Variants in DLC1 observed in about 807,000 individuals in gnomAD.
The protein encoded by DLC1 is rho GTPase-activating protein 7.
In DLC1, 54 loss-of-function variants were observed where a neutral mutation model predicts 140.3. The ratio of observed to expected loss-of-function variants is 0.38; its 90% confidence interval spans 0.31 to 0.48. The LOEUF (loss-of-function observed/expected upper bound fraction) is 0.48, where lower values mean the gene tolerates loss of function less well. DLC1 is among the 20% of genes least tolerant of loss of function. DLC1 has a pLI of 0.96. For missense variants in DLC1, 2,536 were observed against 1,907.0 expected (o/e 1.33, Z -6.14); for synonymous variants, 986 against 728.1 (o/e 1.35, Z -5.70).
intron 5 of DLC1, among the ~76,000 whole-genome samples, chr8:13,145,165 A>G (rs1161656050): frequency 6.6e-6 from 1 of 152,186 alleles, no homozygotes. Context: ...ATTTAAACTT[A>G]TGAGAGATAG....
intron 1 of DLC1, among the ~76,000 whole-genome samples, chr8:13,596,137 C>G (rs949362218): frequency 6.6e-6 from 1 of 151,976 alleles, no homozygotes; most frequent in Non-Finnish European, 1.5e-5. Context: ...AGTTAACATG[C>G]TAAATATATT....
chr8:13,420,684 C>A (rs531993857), intron 2 of DLC1, among the ~76,000 whole-genome samples: 3 of 152,194 alleles, frequency 2.0e-5, no homozygotes, highest in South Asian at 4.1e-4. Context: ...AGTTAGTTTG[C>A]TGAGAATGAT....
intron 2 of DLC1, among the ~76,000 whole-genome samples, chr8:13,490,039 A>G (rs1801164245): frequency 1.5e-5 from 1 of 64,644 alleles, no homozygotes; most frequent in Non-Finnish European, 3.8e-5. Context: ...AAGGCTCACA[A>G]AGGTTAAATA....
intron 5 of DLC1, among the ~76,000 whole-genome samples, chr8:13,258,371 G>T (rs1830338814): frequency 1.3e-5 from 2 of 152,220 alleles, no homozygotes; most frequent in Non-Finnish European, 2.9e-5. Context: ...ATTTGTTTAA[G>T]AATAGGCTCT....
At position 13,168,723 on chromosome 8, in the gene DLC1, T is replaced by C. The variant is rs145062491; in HGVS notation, c.1349-53066A>G. On this transcript the variant is annotated intron_variant, in intron 5 of 17. Coordinates refer to ENST00000276297, the MANE Select transcript of DLC1 (RefSeq NM_182643.3). ...AATTGGCTGTTTTGCATTTGCTGTT[T>C]AAAATTCAAAGTGAAGTCCACATCA... Among the ~76,000 whole-genome samples, 36 of 152,346 alleles carry C rather than the reference T, an allele frequency of 2.4e-4. 1 individual carries two copies. The East Asian group carries it at 5.8e-3, about 25-fold the overall frequency.
chr8:13,557,449 T>C (rs745357072), intron 1 of DLC1, among the ~76,000 whole-genome samples: 5 of 152,136 alleles, frequency 3.3e-5, no homozygotes, highest in African/African-American at 4.8e-5. Context: ...AGGCAGGTGA[T>C]ATGGTTTGGC....
chr8:13,507,317 T>C (rs1802141821), intron 1 of DLC1, among the ~76,000 whole-genome samples: 1 of 152,184 alleles, frequency 6.6e-6, no homozygotes, highest in Non-Finnish European at 1.5e-5. Context: ...TTATGTTTCT[T>C]AATTCCTTTA....
At chr8:13,237,092 A>T (rs926036245) in intron 5 of DLC1, among the ~76,000 whole-genome samples, 2 of 151,640 alleles carry the variant, frequency 1.3e-5, no homozygotes, top group African/African-American at 4.8e-5. Flanking sequence ...AGAAGTGCTT[A>T]TATCTCTTCT....
At chr8:13,220,785 A>G (rs1828506094) in intron 5 of DLC1, among the ~76,000 whole-genome samples, 1 of 152,204 alleles carries the variant, frequency 6.6e-6, no homozygotes, top group South Asian at 2.1e-4. Flanking sequence ...TGGATTTATT[A>G]CAGCATCAAA....
chr8:13,499,915 C>G lies in DLC1; in HGVS notation c.157G>C (p.Asp53His), dbSNP rs756962304. 31 of 1,613,966 alleles carry G rather than the reference C, an allele frequency of 1.9e-5. No homozygotes were observed. Among genetic ancestry groups the G allele is most frequent in the Non-Finnish European group, 2.6e-5 (31 of 1,180,018 alleles). Reference protein sequence around the residue: ...SMEKDATLNVDRKEKCVSLPD... With the variant: ...SMEKDATLNVHRKEKCVSLPD... Reference sequence around the variant, plus strand: ...AGTGAAACACACTTCTCTTTGCGGTCCACATTTAGAGTTGCATCTTTTTCC... The same window carrying G: ...AGTGAAACACACTTCTCTTTGCGGTGCACATTTAGAGTTGCATCTTTTTCC... Residue 53 changes from aspartate (D) to histidine (H), a missense_variant, in exon 2 of 18, where the codon GAC (aspartate) becomes CAC (histidine). Physicochemically the swap from Asp to His is moderately conservative, Grantham distance 81. Coordinates refer to ENST00000276297, the MANE Select transcript of DLC1 (RefSeq NM_182643.3).
At chr8:13,559,242 C>G (rs550319920) in intron 1 of DLC1, 2 of 152,192 alleles carry the variant, frequency 1.3e-5, no homozygotes, top group African/African-American at 4.8e-5. Flanking sequence ...AAAGCATGGG[C>G]GCAAAGAATG....
At chr8:13,091,499 C>G (rs938004186) in intron 13 of DLC1, 67 bp from the exon 14 acceptor site, 4 of 1,423,310 alleles carry the variant, frequency 2.8e-6, no homozygotes, top group African/African-American at 2.9e-5. Flanking sequence ...AGGTATTATT[C>G]AAGGAAACCC....
chr8:13,135,311 G>A (rs1481982550), intron 5 of DLC1, among the ~76,000 whole-genome samples: 1 of 150,904 alleles, frequency 6.6e-6, no homozygotes, highest in Non-Finnish European at 1.5e-5. Flanking sequence ...CTCCCGAGTA[G>A]CTGGGACTAC....
At chr8:13,350,525 G>T (rs1160431041) in intron 4 of DLC1, among the ~76,000 whole-genome samples, 1 of 152,052 alleles carries the variant, frequency 6.6e-6, no homozygotes, top group East Asian at 1.9e-4. Flanking sequence ...AAACCAGCCA[G>T]GCCAACATGG....
Position 13,137,888 on chromosome 8 carries a change from G to A in DLC1, c.1349-22231C>T, listed in dbSNP as rs540605238. On this transcript the variant is annotated intron_variant, in intron 5 of 17. Coordinates refer to ENST00000276297, the MANE Select transcript of DLC1 (RefSeq NM_182643.3). ...GCTGGGATTACAGGTGTGAGCCACC[G>A]CACCTGGCCAGACATCACTTTCTTG... is the stretch of plus-strand genomic sequence containing the variant. Among the ~76,000 whole-genome samples, 153 of 152,056 alleles carry A rather than the reference G, an allele frequency of 1.0e-3. 1 individual carries two copies. The highest frequency in any genetic ancestry group is 3.5e-3 in the African/African-American group (147 of 41,506).
intron 5 of DLC1, among the ~76,000 whole-genome samples, chr8:13,189,788 A>G (rs1267835395): frequency 4.6e-5 from 7 of 152,136 alleles, no homozygotes; most frequent in African/African-American, 1.4e-4. Flanking sequence ...AGGCTGAGGC[A>G]GGAGAATCGC....
chr8:13,586,322 G>A (rs984555788), intron 1 of DLC1, among the ~76,000 whole-genome samples: 1 of 152,136 alleles, frequency 6.6e-6, no homozygotes, highest in African/African-American at 2.4e-5. Context: ...AAGAAGAGGA[G>A]ATAGATGATT....
At chr8:13,438,560 C>T (rs1022494478) in intron 2 of DLC1, among the ~76,000 whole-genome samples, 2 of 152,104 alleles carry the variant, frequency 1.3e-5, no homozygotes, top group African/African-American at 4.8e-5. Context: ...GCGATCTGGC[C>T]GTGTCCCTAA....
chr8:13,122,529 A>C (rs938888005), intron 5 of DLC1, among the ~76,000 whole-genome samples: 1 of 152,214 alleles, frequency 6.6e-6, no homozygotes. Flanking sequence ...CCTTTCTTTA[A>C]AGGCAGACTG....
Sources: gnomAD v4.1 joint callset for allele counts (sites outside exome capture counted in the v4.1 genomes callset) on GRCh38, gnomAD v4.1.1 for gene constraint, MANE v1.5 for transcripts, NCBI Gene and HGNC (gene_info 2026-07-23, HGNC 2026-07-21) for gene names.